Variants in PIK3C2A observed in about 807,000 individuals in gnomAD.
PIK3C2A encodes phosphatidylinositol-4-phosphate 3-kinase catalytic subunit type 2 alpha, also known as phosphatidylinositol 4-phosphate 3-kinase C2 domain-containing subunit alpha.
Under a neutral mutation model 204.5 loss-of-function variants are expected in PIK3C2A, and 97 were observed. That is an observed-to-expected ratio of 0.47 (90% CI 0.40 to 0.56). The LOEUF is 0.56. PIK3C2A is among the 20% of genes least tolerant of loss of function. The pLI is 0.00. For synonymous variants in PIK3C2A, 653 were observed against 664.4 expected, an observed-to-expected ratio of 0.98 and a Z score of 0.26; for missense variants, 1,735 against 1,969.2, an observed-to-expected ratio of 0.88 and a Z score of 2.25.
At chr11:17,097,029 TG>T (rs779335044) in intron 27 of PIK3C2A, 27 bp downstream of exon 27, 12 of 1,288,060 alleles carry the variant, frequency 9.3e-6, no homozygotes, top group Admixed American at 3.4e-5. Flanking sequence ...CATGCATGAT[TG>T]TTTATGAATA....
At chr11:17,135,588 C>T (rs1291724051) in intron 9 of PIK3C2A, among the ~76,000 whole-genome samples, 1 of 152,022 alleles carries the variant, frequency 6.6e-6, no homozygotes, top group East Asian at 1.9e-4. Flanking sequence ...CTATTGTCTG[C>T]TCCTTTATCC....
Position 17,169,811 on chromosome 11 carries a change from A to T in PIK3C2A, c.-65-5T>A. The T allele has an allele frequency of 4.1e-6, 4 of 987,472 alleles. No individual in the cohort carries two copies. In the East Asian group the frequency reaches 9.6e-5, roughly 24 times the overall value. The allele number at this position is 987,472 out of a possible 1,614,324, so 61.2% of individuals were successfully genotyped here. ...TAGCTTCCAAAATAGCAAGGCCTAT[A>T]CATAAAAATAAACATAACACTCAAT... On this transcript the variant is annotated splice_region_variant and splice_polypyrimidine_tract_variant and intron_variant, in intron 1 of 32. Coordinates refer to ENST00000691414, the MANE Select transcript of PIK3C2A (RefSeq NM_002645.4).
chr11:17,207,010 C>T (rs1016684855), intron 1 of PIK3C2A, among the ~76,000 whole-genome samples: 3 of 152,156 alleles, frequency 2.0e-5, no homozygotes, highest in African/African-American at 7.2e-5. Context: ...AAAAGAACTA[C>T]AACAGGCTCT....
In PIK3C2A at chr11:17,180,555, C is replaced by T. The variant is rs985378614; in HGVS notation, c.-65-10749G>A. ...AAAAAAAAAAGGCTAGGCGCAGTGG[C>T]TCACACCTGTAATCCCAGCATTTTG... On this transcript the variant is annotated intron_variant, in intron 1 of 32. Coordinates refer to ENST00000691414, the MANE Select transcript of PIK3C2A (RefSeq NM_002645.4). 4.6e-5 allele frequency among the ~76,000 whole-genome samples: 7 copies of T among 151,606 alleles called. No homozygotes were observed. The East Asian group carries it at 1.2e-3, about 25-fold the overall frequency.
intron 2 of PIK3C2A, among the ~76,000 whole-genome samples, chr11:17,156,370 T>C (rs1850592291): frequency 6.6e-6 from 1 of 152,208 alleles, no homozygotes. Flanking sequence ...TCAATGACTA[T>C]GGCACACAAA....
chr11:17,123,655 A>G (rs930335388), intron 13 of PIK3C2A, among the ~76,000 whole-genome samples: 4 of 152,140 alleles, frequency 2.6e-5, no homozygotes, highest in Non-Finnish European at 5.9e-5. Flanking sequence ...TGTGGACCAT[A>G]AAGTCTCTGC....
intron 20 of PIK3C2A, among the ~76,000 whole-genome samples, chr11:17,113,365 G>A (rs1005316621): frequency 2.0e-5 from 3 of 152,056 alleles, no homozygotes; most frequent in Non-Finnish European, 4.4e-5. Flanking sequence ...AACGTCTTGT[G>A]ATATCCTTTT....
At chr11:17,127,708 T>A (rs1289287259) in intron 13 of PIK3C2A, among the ~76,000 whole-genome samples, 1 of 152,226 alleles carries the variant, frequency 6.6e-6, no homozygotes. Flanking sequence ...AGATGATTAC[T>A]GGCAAATCAA....
At chr11:17,116,338 G>A (rs920543478) in intron 19 of PIK3C2A, among the ~76,000 whole-genome samples, 5 of 152,052 alleles carry the variant, frequency 3.3e-5, no homozygotes, top group East Asian at 1.9e-4. Flanking sequence ...AAACCACAAC[G>A]AGATACTGCT....
rs543675621 is a variant in PIK3C2A, at chr11:17,207,914, T to C, written c.-132A>G. ...GCCGAAGCCGCCACAGTCCGAGCCA[T>C]TTTTCCCCTCAGCTGGCTCAGCCGC... On this transcript the variant is annotated 5_prime_UTR_variant, in exon 1 of 33. An upstream start codon of the reference 5' UTR is lost. Coordinates refer to ENST00000691414, the MANE Select transcript of PIK3C2A (RefSeq NM_002645.4). 1 of 152,684 alleles carries C rather than the reference T, an allele frequency of 6.5e-6. No individual in the cohort carries two copies. Among genetic ancestry groups the C allele is most frequent in the East Asian group, 1.9e-4 (1 of 5,186 alleles). The allele number at this position is 152,684 out of a possible 1,614,324, so 9.5% of individuals were successfully genotyped here.
At chr11:17,121,764 A>T (rs1360653838) in intron 15 of PIK3C2A, among the ~76,000 whole-genome samples, 31 of 152,006 alleles carry the variant, frequency 2.0e-4, no homozygotes, top group Non-Finnish European at 8.8e-5. Context: ...GTATTTTTCT[A>T]AAAAAATTGC....
intron 12 of PIK3C2A, among the ~76,000 whole-genome samples, chr11:17,131,538 C>T (rs1030510016): frequency 5.3e-5 from 8 of 150,700 alleles, no homozygotes; most frequent in Non-Finnish European, 1.0e-4. Context: ...TCTCCTGCCT[C>T]AGCCTCCCGA....
intron 30 of PIK3C2A, 134 bp from the exon 31 acceptor site, chr11:17,091,790 T>C (rs758237318): frequency 4.1e-4 from 277 of 670,100 alleles, no homozygotes; most frequent in Non-Finnish European, 6.4e-4. Flanking sequence ...GTAAACAACC[T>C]GATAGGTCAT....
At chr11:17,113,331 T>C (rs1232116465) in intron 20 of PIK3C2A, among the ~76,000 whole-genome samples, 1 of 152,150 alleles carries the variant, frequency 6.6e-6, no homozygotes, top group Non-Finnish European at 1.5e-5. Flanking sequence ...GCTTTGTAAA[T>C]GTCTTAATCC....
At chr11:17,194,511 C>T (rs1385465866) in intron 1 of PIK3C2A, 5 of 153,714 alleles carry the variant, frequency 3.3e-5, no homozygotes, top group African/African-American at 1.2e-4. Context: ...TGAGTTTCTG[C>T]CCCATCCCTA....
chr11:17,191,311 G>A (rs1487094942), intron 1 of PIK3C2A, among the ~76,000 whole-genome samples: 2 of 152,182 alleles, frequency 1.3e-5, no homozygotes, highest in African/African-American at 2.4e-5. Context: ...ATTTAGGATG[G>A]GGACTTTGGG....
chr11:17,185,357 C>T (rs1015059344), intron 1 of PIK3C2A, among the ~76,000 whole-genome samples: 1 of 152,194 alleles, frequency 6.6e-6, no homozygotes, highest in Non-Finnish European at 1.5e-5. Context: ...TAGTAGATTA[C>T]ACCATCAAGA....
chr11:17,098,781 A>C (rs371586702), intron 26 of PIK3C2A, among the ~76,000 whole-genome samples: 83 of 152,260 alleles, frequency 5.5e-4, no homozygotes, highest in Middle Eastern at 3.4e-3. Context: ...GCAAGAGAAA[A>C]AGGAGAGAAA....
chr11:17,109,878 T>A (rs147313176), intron 22 of PIK3C2A, among the ~76,000 whole-genome samples: 8 of 152,200 alleles, frequency 5.3e-5, no homozygotes, highest in African/African-American at 1.9e-4. Flanking sequence ...GACCATACAG[T>A]CCTCACTGGG....
Sources: allele counts gnomAD v4.1 joint callset (sites outside exome capture counted in the v4.1 genomes callset), GRCh38; gene constraint gnomAD v4.1.1; transcripts MANE v1.5; gene names NCBI Gene and HGNC (gene_info 2026-07-23, HGNC 2026-07-21).